The following BANP variants were observed in gnomAD, a reference collection of about 807,000 sequenced individuals.
BANP encodes the protein BTG3 associated nuclear protein.
A neutral mutation model predicts 68.1 loss-of-function variants in BANP; 11 were observed. That is an observed-to-expected ratio of 0.16 (90% CI 0.10 to 0.27). The LOEUF is 0.27. Ranked by LOEUF, BANP falls within the 10% of genes least tolerant of loss-of-function variation. The probability of loss-of-function intolerance (pLI) is 1.00; values close to 1 mark genes in which losing one functional copy is unlikely to be tolerated. For missense variants in BANP, 504 were observed against 722.7 expected (o/e 0.70, Z 3.47); for synonymous variants, 329 against 303.2 (o/e 1.09, Z -0.88).
intron 4 of BANP, among the ~76,000 whole-genome samples, chr16:87,996,604 T>C (rs1312801171): frequency 3.3e-5 from 5 of 150,794 alleles, no homozygotes; most frequent in Admixed American, 6.6e-5. Context: ...GGGCGCCGGC[T>C]GGGCTCTGGT....
intron 2 of BANP, chr16:87,978,420 G>GTC (rs2062606175): frequency 2.9e-6 from 1 of 348,804 alleles, no homozygotes; most frequent in African/African-American, 2.2e-5. Flanking sequence ...GAGTACGAGG[G>GTC]TCTCTCTCTG....
At chr16:88,037,934 T>C (rs2079773275) in intron 10 of BANP, 39 bp from the exon 11 acceptor site, 1 of 1,603,086 alleles carries the variant, frequency 6.2e-7, no homozygotes. Flanking sequence ...TCTTGGTGTG[T>C]TTCTACTCAT....
intron 13 of BANP, 59 bp downstream of exon 13, chr16:88,072,271 C>T: frequency 6.5e-7 from 1 of 1,548,432 alleles, no homozygotes; most frequent in Non-Finnish European, 8.7e-7. Flanking sequence ...CTGCCGCTGC[C>T]ACCGGGCACA....
chr16:88,029,392 G>A (rs1239898838), intron 8 of BANP, among the ~76,000 whole-genome samples: 2 of 150,680 alleles, frequency 1.3e-5, no homozygotes, highest in African/African-American at 4.9e-5. Flanking sequence ...GGCAGATCAT[G>A]AGGTCAGGAG....
At chr16:87,953,843 G>A (rs1274599040) in intron 1 of BANP, among the ~76,000 whole-genome samples, 1 of 152,174 alleles carries the variant, frequency 6.6e-6, no homozygotes, top group East Asian at 1.9e-4. Context: ...CCTTTCTTCT[G>A]TAGCTGGGTA....
intron 8 of BANP, among the ~76,000 whole-genome samples, chr16:88,030,470 G>A (rs1157002258): frequency 1.3e-5 from 2 of 152,156 alleles, no homozygotes; most frequent in Admixed American, 1.3e-4. Context: ...TAAGGTTAGC[G>A]GTCTGCTTCA....
At position 88,076,948 on chromosome 16, in the gene BANP, T is replaced by A; in HGVS notation, c.*287T>A. ...ATGCGCGGGAAATCAAGAACTATGATATTTTTCTGTTTAAACAGCTTTTTT... is the reference window on the plus strand; with the variant it reads ...ATGCGCGGGAAATCAAGAACTATGAAATTTTTCTGTTTAAACAGCTTTTTT... On this transcript the variant is annotated 3_prime_UTR_variant, in exon 14 of 14. Coordinates refer to ENST00000682872, the MANE Select transcript of BANP (RefSeq NM_001386991.1). 1 of 376,534 alleles carries A rather than the reference T, an allele frequency of 2.7e-6. No individual in the cohort carries two copies. The highest frequency in any genetic ancestry group is 4.8e-6 in the Non-Finnish European group (1 of 209,016). 23.3% of individuals were successfully genotyped at this position (376,534 alleles called of 1,614,324 possible).
intron 2 of BANP, among the ~76,000 whole-genome samples, chr16:87,979,000 G>T (rs1255937607): frequency 6.6e-6 from 1 of 152,154 alleles, no homozygotes; most frequent in East Asian, 1.9e-4. Context: ...AAAATCGGTC[G>T]ACAGTGGTCC....
chr16:88,044,725 T>C (rs1226910910), intron 11 of BANP, among the ~76,000 whole-genome samples: 2 of 152,244 alleles, frequency 1.3e-5, no homozygotes, highest in African/African-American at 2.4e-5. Context: ...GGCTCACGCC[T>C]GTAATCCCAG....
intron 1 of BANP, among the ~76,000 whole-genome samples, chr16:87,967,530 A>G (rs1273650767): frequency 6.6e-6 from 1 of 151,828 alleles, no homozygotes; most frequent in African/African-American, 2.4e-5. Context: ...ATCTCAGCTC[A>G]CCGCAAACTC....
intron 8 of BANP, among the ~76,000 whole-genome samples, chr16:88,031,366 G>A (rs2078132378): frequency 6.6e-6 from 1 of 152,174 alleles, no homozygotes; most frequent in South Asian, 2.1e-4. Context: ...TAATGTGACT[G>A]GGCACAGTGG....
chr16:88,053,125 G>A (rs62046889), intron 11 of BANP, among the ~76,000 whole-genome samples: 6,894 of 51,658 alleles, frequency 0.13, 110 homozygotes, highest in Non-Finnish European at 0.15. Flanking sequence ...CTCCACCACT[G>A]TCATCTCCAT....
At chr16:87,990,119 T>G (rs1421975667) in intron 4 of BANP, among the ~76,000 whole-genome samples, 2 of 152,256 alleles carry the variant, frequency 1.3e-5, no homozygotes, top group African/African-American at 4.8e-5. Flanking sequence ...CTCGAAAAAT[T>G]ATTTTTAAAA....
Position 88,002,886 on chromosome 16 carries a change from G to C in BANP, c.363-1409G>C, listed in dbSNP as rs1157237651. 6.6e-6 allele frequency among the ~76,000 whole-genome samples: 1 copy of C among 152,178 alleles called. No individual in the cohort carries two copies. The highest frequency in any genetic ancestry group is 1.5e-5 in the Non-Finnish European group (1 of 68,034). ...CACCGTCCTTCTTCAGTTGCTCATG[G>C]GGGGAGAGAATAAATGCATGTGTGG... is the stretch of plus-strand genomic sequence containing the variant. On this transcript the variant is annotated intron_variant, in intron 4 of 13. Transcript: ENST00000682872. The surrounding 1 kb of genome is among the most constrained non-coding windows in gnomAD (Gnocchi z 4.6).
At chr16:88,053,472 A>G (rs1778384113) in intron 11 of BANP, among the ~76,000 whole-genome samples, 1 of 134,218 alleles carries the variant, frequency 7.5e-6, no homozygotes, top group African/African-American at 3.1e-5. Flanking sequence ...TCACCAACAC[A>G]ACCACCTTCA....
At chr16:87,965,426 C>T (rs1224097923) in intron 1 of BANP, among the ~76,000 whole-genome samples, 1 of 150,418 alleles carries the variant, frequency 6.6e-6, no homozygotes, top group Non-Finnish European at 1.5e-5. Context: ...GAGGGCAGCA[C>T]CGTGGGGGAA....
At chr16:88,049,044 A>G (rs1341644853) in intron 11 of BANP, among the ~76,000 whole-genome samples, 1 of 152,086 alleles carries the variant, frequency 6.6e-6, no homozygotes, top group Admixed American at 6.6e-5. Context: ...GACTGCTGGG[A>G]CCAAACGTGG....
intron 11 of BANP, among the ~76,000 whole-genome samples, chr16:88,056,273 G>C (rs1053843500): frequency 1.5e-4 from 23 of 152,230 alleles, no homozygotes; most frequent in Admixed American, 4.6e-4. Flanking sequence ...CAAGCAGCAA[G>C]GAAGGTAGTT....
At chr16:87,967,292 A>C (rs1183872066) in intron 1 of BANP, among the ~76,000 whole-genome samples, 1 of 102,736 alleles carries the variant, frequency 9.7e-6, no homozygotes, top group Admixed American at 1.2e-4. Context: ...TATTTTTAGT[A>C]GAGACGGGGT....
Sources: allele counts gnomAD v4.1 joint callset (sites outside exome capture counted in the v4.1 genomes callset), GRCh38; gene constraint gnomAD v4.1.1; non-coding constraint Gnocchi (gnomAD v3.1); transcripts MANE v1.5; gene names NCBI Gene and HGNC (gene_info 2026-07-23, HGNC 2026-07-21).